KLF9: variants seen among roughly 807,000 people sequenced by gnomAD.
The protein encoded by KLF9 is Krueppel-like factor 9.
KLF9 carries 2 observed loss-of-function variants against 17.3 expected under a neutral mutation model. The ratio of observed to expected loss-of-function variants is 0.12; its 90% CI spans 0.05 to 0.36. KLF9 has a LOEUF of 0.36. Among genes scored for constraint, KLF9 ranks in the 10% least tolerant of loss-of-function variants. The pLI, the probability that KLF9 is intolerant of heterozygous loss-of-function variation, is 1.00. For synonymous variants in KLF9, 138 were observed against 139.2 expected, an observed-to-expected ratio of 0.99 and a Z score of 0.06; for missense variants, 226 against 333.2, an observed-to-expected ratio of 0.68 and a Z score of 2.51.
intron 1 of KLF9, among the ~76,000 whole-genome samples, chr9:70,407,976 T>C (rs2037268265): frequency 6.6e-6 from 1 of 152,168 alleles, no homozygotes. Context: ...GGGCAAAAAT[T>C]GGTTCTGTGA....
intron 1 of KLF9, among the ~76,000 whole-genome samples, chr9:70,409,116 A>G (rs1359843329): frequency 1.2e-5 from 1 of 86,678 alleles, no homozygotes; most frequent in African/African-American, 3.2e-5. Flanking sequence ...ATATATATAC[A>G]TATATGTATA....
chr9:70,393,360 G>T (rs569587340), intron 1 of KLF9, among the ~76,000 whole-genome samples: 1 of 152,248 alleles, frequency 6.6e-6, no homozygotes, highest in African/African-American at 2.4e-5. Context: ...GTCCTGAAAC[G>T]AATGGAGGTG....
intron 1 of KLF9, among the ~76,000 whole-genome samples, chr9:70,401,655 C>G (rs1473206642): frequency 8.2e-6 from 1 of 121,600 alleles, no homozygotes; most frequent in Non-Finnish European, 1.6e-5. Flanking sequence ...CCACTGCACT[C>G]TAGTCTGGGC....
chr9:70,413,242 C>T lies in KLF9; in HGVS notation c.122G>A (p.Arg41His). ...PDAERLRLPE[R>H]EVTKEHGDPG... ...GTCACCGTGCTCCTTGGTCACCTCG[C>T]GCTCAGGTAGTCGCAGCCGCTCGGC... The change falls in exon 1 of 2, where the codon CGC becomes CAC. Residue 41 changes from arginine to histidine, a missense_variant. Coordinates refer to ENST00000377126, the MANE Select transcript of KLF9 (RefSeq NM_001206.4). The surrounding 1 kb of genome is among the most constrained non-coding windows in gnomAD (Gnocchi z 5.6). 1 of 1,613,880 alleles carries T rather than the reference C, an allele frequency of 6.2e-7. No homozygotes were observed. Among genetic ancestry groups the T allele is most frequent in the Non-Finnish European group, 8.5e-7 (1 of 1,180,006 alleles).
chr9:70,409,401 CA>C (rs1424981640), intron 1 of KLF9, among the ~76,000 whole-genome samples: 1 of 151,220 alleles, frequency 6.6e-6, no homozygotes, highest in Non-Finnish European at 1.5e-5. Context: ...GGCACAGAAA[CA>C]AGGCCTAAGG....
At chr9:70,392,532 T>A (rs2037158864) in intron 1 of KLF9, among the ~76,000 whole-genome samples, 1 of 152,168 alleles carries the variant, frequency 6.6e-6, no homozygotes, top group Non-Finnish European at 1.5e-5. Flanking sequence ...TCCCAGCATA[T>A]AAGTTAATGA....
intron 1 of KLF9, among the ~76,000 whole-genome samples, chr9:70,394,694 C>A (rs773082828): frequency 1.3e-5 from 2 of 152,152 alleles, no homozygotes; most frequent in African/African-American, 2.4e-5. Flanking sequence ...ACTGAAAAAT[C>A]TAATCTAAAT....
rs921265189 is a variant in KLF9, at chr9:70,414,612, C to A, written c.-1249G>T. The A allele has an allele frequency of 2.3e-4, 35 of 152,184 alleles. No homozygotes were observed. The highest frequency in any genetic ancestry group is 7.7e-4 in the African/African-American group (32 of 41,518). 9.4% of individuals were successfully genotyped at this position (152,184 alleles called of 1,614,324 possible). On this transcript the variant is annotated 5_prime_UTR_variant, in exon 1 of 2. Transcript: ENST00000377126. ...CAGTGTGAATCTATAATTAAAAAAA[C>A]CCCATTATGTCAGGATAAGTCCAAG...
intron 1 of KLF9, among the ~76,000 whole-genome samples, chr9:70,389,946 C>T (rs539345385): frequency 6.6e-5 from 10 of 152,200 alleles, no homozygotes; most frequent in African/African-American, 1.7e-4. Context: ...ACTCCTGTCC[C>T]GGCCTTCCCA....
rs2037111128 is a variant in KLF9 at position 70,386,449 on chromosome 9, A to C, written c.*1327T>G. ...TTCTCCACAAGGGACGATTTTGCAG[A>C]GTCTCCTCTGAAATCATTGTGGTAT... On this transcript the variant is annotated 3_prime_UTR_variant, in exon 2 of 2. Coordinates refer to ENST00000377126, the MANE Select transcript of KLF9 (RefSeq NM_001206.4). 6.6e-6 allele frequency: 1 copy of C among 152,622 alleles called. No individual in the cohort carries two copies. The highest frequency in any genetic ancestry group is 2.4e-5 in the African/African-American group (1 of 41,456). 9.5% of individuals were successfully genotyped at this position (152,622 alleles called of 1,614,324 possible).
intron 1 of KLF9, among the ~76,000 whole-genome samples, chr9:70,392,552 A>C (rs1401232493): frequency 1.3e-5 from 2 of 152,176 alleles, no homozygotes; most frequent in South Asian, 2.1e-4. Flanking sequence ...ACAGTCATAT[A>C]ATAAGGTATT....
rs2037346161 is a variant in KLF9, at chr9:70,413,514, T to G, written c.-151A>C. On this transcript the variant is annotated 5_prime_UTR_variant, in exon 1 of 2. Transcript: ENST00000377126. The surrounding 1 kb of genome is among the most constrained non-coding windows in gnomAD (Gnocchi z 5.6). ...GGCGGGGGCGCGGGGCGCTTCCGAC[T>G]CGCAGGAGCGCCGAGGCGACCTCAG... 1.3e-6 allele frequency: 1 copy of G among 773,502 alleles called. No homozygotes were observed. Among genetic ancestry groups the G allele is most frequent in the South Asian group, 6.4e-5 (1 of 15,648 alleles). 47.9% of individuals were successfully genotyped at this position (773,502 alleles called of 1,614,324 possible).
chr9:70,409,692 T>A (rs2118928983), intron 1 of KLF9, among the ~76,000 whole-genome samples: 1 of 152,274 alleles, frequency 6.6e-6, no homozygotes, highest in East Asian at 1.9e-4. Context: ...AAATACATCA[T>A]AAAGTGTCCA....
chr9:70,401,188 A>AT (rs2037218677), intron 1 of KLF9, among the ~76,000 whole-genome samples: 3 of 147,414 alleles, frequency 2.0e-5, no homozygotes, highest in African/African-American at 7.4e-5. Context: ...AAAAAAAAAA[A>AT]ATTTTTTAAA....
Position 70,409,180 on chromosome 9 carries a change from G to A in KLF9, c.505+3679C>T, listed in dbSNP as rs1184405537. On this transcript the variant is annotated intron_variant, in intron 1 of 1. Transcript: ENST00000377126. The stretch of plus-strand genomic sequence containing the variant: ...TATATACACATATATGTATATATAT[G>A]TATACATATACATGTATATGTATAT... Among the ~76,000 whole-genome samples the A allele has an allele frequency of 5.5e-5, 4 of 72,176 alleles. 1 individual carries two copies. The highest frequency in any genetic ancestry group is 1.2e-4 in the Non-Finnish European group (4 of 32,754). The allele number at this position is 72,176 out of a possible 152,430, so 47.4% of individuals were successfully genotyped here. A position where few individuals can be genotyped will look rare whatever the true frequency, so the allele number is the denominator to read the frequency against.
chr9:70,397,749 A>G (rs960417770), intron 1 of KLF9, among the ~76,000 whole-genome samples: 1 of 152,218 alleles, frequency 6.6e-6, no homozygotes, highest in Admixed American at 6.5e-5. Flanking sequence ...TTCATGGACC[A>G]GACTGGTGGG....
chr9:70,393,851 T>C (rs2037166123), intron 1 of KLF9, among the ~76,000 whole-genome samples: 1 of 151,998 alleles, frequency 6.6e-6, no homozygotes, highest in South Asian at 2.1e-4. Flanking sequence ...TGAAACCCCA[T>C]CTCTACCAAA....
At position 70,409,228 on chromosome 9, in the gene KLF9, A is replaced by G. The variant is rs1173452020; in HGVS notation, c.505+3631T>C. ...TATATATATACATATATGTATATAT[A>G]TATACTGAAAAATATTTTTTCATAG... On this transcript the variant is annotated intron_variant, in intron 1 of 1. Coordinates refer to ENST00000377126, the MANE Select transcript of KLF9 (RefSeq NM_001206.4). Among the ~76,000 whole-genome samples, 5 of 139,374 alleles carry G rather than the reference A, an allele frequency of 3.6e-5. No homozygotes were observed. The South Asian group carries it at 9.0e-4, about 25-fold the overall frequency. The allele number at this position is 139,374 out of a possible 152,430, so 91.4% of individuals were successfully genotyped here. A position where few individuals can be genotyped will look rare whatever the true frequency, so the allele number is the denominator to read the frequency against.
In KLF9 at chr9:70,387,995, G is replaced by T. The variant is rs1401821448; in HGVS notation, c.516C>A (p.Pro172=). The change falls in exon 2 of 2, where the codon CCC becomes CCA. Residue 172 remains proline (P), a synonymous_variant. Coordinates refer to ENST00000377126, the MANE Select transcript of KLF9 (RefSeq NM_001206.4). ...GGCAGTCTGGCCACGTGCAGGGAAA[G>T]GGCCGTTCACCTAAGAGAAAGGAAT... is the stretch of plus-strand genomic sequence containing the variant. ...AHYRVHTGER[P]FPCTWPDCLK... 6 of 1,613,234 alleles carry T rather than the reference G, an allele frequency of 3.7e-6. No individual in the cohort carries two copies. Among genetic ancestry groups the T allele is most frequent in the African/African-American group, 2.7e-5 (2 of 74,868 alleles).
Sources: gnomAD v4.1 joint callset for allele counts (sites outside exome capture counted in the v4.1 genomes callset) on GRCh38, gnomAD v4.1.1 for gene constraint, Gnocchi (gnomAD v3.1) non-coding constraint, MANE v1.5 for transcripts, NCBI Gene and HGNC (gene_info 2026-07-23, HGNC 2026-07-21) for gene names.